FSTL5: variants seen among roughly 807,000 people sequenced by gnomAD.
FSTL5 encodes the protein follistatin like 5.
Under a neutral mutation model 89.1 loss-of-function variants are expected in FSTL5, and 62 were observed. The ratio of observed to expected loss-of-function variants is 0.70; its 90% CI spans 0.57 to 0.86. The LOEUF (loss-of-function observed/expected upper bound fraction) is 0.86. FSTL5 is among the 40% of genes least tolerant of loss of function. FSTL5 has a pLI of 0.00. For missense variants in FSTL5, 1,057 were observed against 1,001.6 expected (o/e 1.06, Z -0.75); for synonymous variants, 383 against 346.2 (o/e 1.11, Z -1.18).
At chr4:161,562,160 C>G (rs1477793687) in intron 8 of FSTL5, among the ~76,000 whole-genome samples, 1 of 152,046 alleles carries the variant, frequency 6.6e-6, no homozygotes, top group Non-Finnish European at 1.5e-5. Flanking sequence ...TTTCCCTCCT[C>G]TAATTCTTTC....
intron 3 of FSTL5, among the ~76,000 whole-genome samples, chr4:161,936,218 T>A (rs1337933148): frequency 2.0e-5 from 3 of 152,146 alleles, no homozygotes; most frequent in Non-Finnish European, 4.4e-5. Context: ...ATTGTAGGAA[T>A]AAAGAAAGCA....
chr4:161,404,267 T>C (rs1268001628), intron 15 of FSTL5, among the ~76,000 whole-genome samples: 1 of 152,150 alleles, frequency 6.6e-6, no homozygotes, highest in Non-Finnish European at 1.5e-5. Context: ...TTGATTACAA[T>C]TGGGCCAATC....
intron 4 of FSTL5, among the ~76,000 whole-genome samples, chr4:161,860,275 G>GA (rs1158150903): frequency 2.1e-5 from 3 of 144,946 alleles, no homozygotes; most frequent in Non-Finnish European, 4.5e-5. Flanking sequence ...GCGACAGAGC[G>GA]AGACTCCGTC....
chr4:161,463,462 T>A (rs1047403911), intron 13 of FSTL5, among the ~76,000 whole-genome samples: 1 of 152,152 alleles, frequency 6.6e-6, no homozygotes, highest in Non-Finnish European at 1.5e-5. Flanking sequence ...ATCAACAGAA[T>A]CATATATTAA....
chr4:162,084,469 C>A (rs936144562), intron 2 of FSTL5, among the ~76,000 whole-genome samples: 1 of 152,132 alleles, frequency 6.6e-6, no homozygotes, highest in East Asian at 1.9e-4. Context: ...CAAACTTCTG[C>A]ACATGTATGT....
chr4:161,604,223 A>C lies in FSTL5; in HGVS notation c.895-16648T>G, dbSNP rs182742494. 4.6e-5 allele frequency among the ~76,000 whole-genome samples: 7 copies of C among 152,188 alleles called. No individual in the cohort carries two copies. The East Asian group carries it at 1.4e-3, about 29-fold the overall frequency. Reference sequence around the variant, plus strand: ...TTAATAGATATTTTAAGGGTCATGGAATTGATTATAAATACATTATTATGC... The same window carrying C: ...TTAATAGATATTTTAAGGGTCATGGCATTGATTATAAATACATTATTATGC... On this transcript the variant is annotated intron_variant, in intron 7 of 15. Transcript: ENST00000306100.
intron 2 of FSTL5, among the ~76,000 whole-genome samples, chr4:162,039,632 T>A (rs1159173008): frequency 6.6e-6 from 1 of 151,954 alleles, no homozygotes; most frequent in Non-Finnish European, 1.5e-5. Flanking sequence ...ATATGTACAA[T>A]AAAGCACATT....
At chr4:162,069,836 G>T (rs1037395921) in intron 2 of FSTL5, among the ~76,000 whole-genome samples, 1 of 151,786 alleles carries the variant, frequency 6.6e-6, no homozygotes, top group Non-Finnish European at 1.5e-5. Context: ...TTTGTCAATG[G>T]TGCTGTAATA....
At chr4:161,919,069 A>C (rs1377566113) in intron 4 of FSTL5, among the ~76,000 whole-genome samples, 1 of 152,156 alleles carries the variant, frequency 6.6e-6, no homozygotes, top group East Asian at 1.9e-4. Context: ...ACATAATTTC[A>C]TAGTGTCAAG....
chr4:161,750,780 C>T (rs1740366990), intron 6 of FSTL5, among the ~76,000 whole-genome samples: 1 of 152,042 alleles, frequency 6.6e-6, no homozygotes, highest in African/African-American at 2.4e-5. Flanking sequence ...TAGGCAAATC[C>T]TACCTAAGAT....
At chr4:161,993,933 G>T (rs975199430) in intron 3 of FSTL5, among the ~76,000 whole-genome samples, 1 of 152,104 alleles carries the variant, frequency 6.6e-6, no homozygotes, top group Middle Eastern at 3.4e-3. Flanking sequence ...GGTACACGTG[G>T]AGGTTTGTTA....
intron 4 of FSTL5, among the ~76,000 whole-genome samples, chr4:161,880,684 AT>A (rs1461304992): frequency 6.6e-6 from 1 of 152,180 alleles, no homozygotes; most frequent in Non-Finnish European, 1.5e-5. Context: ...ACTGTACAAC[AT>A]TCACACAGTG....
At chr4:161,402,329 T>G (rs577973712) in intron 15 of FSTL5, among the ~76,000 whole-genome samples, 1 of 152,344 alleles carries the variant, frequency 6.6e-6, no homozygotes, top group African/African-American at 2.4e-5. Context: ...ATAATATAAA[T>G]TATTCTTCAT....
intron 7 of FSTL5, among the ~76,000 whole-genome samples, chr4:161,638,077 T>C (rs1318370549): frequency 2.0e-5 from 3 of 151,184 alleles, no homozygotes; most frequent in Non-Finnish European, 4.4e-5. Context: ...TTCACGATAT[T>C]GATTCTTCCT....
At chr4:161,649,127 C>G (rs1245169911) in intron 7 of FSTL5, among the ~76,000 whole-genome samples, 1 of 152,108 alleles carries the variant, frequency 6.6e-6, no homozygotes. Context: ...AACACCTGAA[C>G]CAGATGTTCA....
chr4:161,471,732 T>G (rs193081042), intron 13 of FSTL5, among the ~76,000 whole-genome samples: 1 of 152,314 alleles, frequency 6.6e-6, no homozygotes, highest in African/African-American at 2.4e-5. Context: ...TCCTAGCATT[T>G]GTAAGTAAAT....
At chr4:161,926,948 A>G (rs1734144038) in intron 3 of FSTL5, among the ~76,000 whole-genome samples, 1 of 151,848 alleles carries the variant, frequency 6.6e-6, no homozygotes, top group Admixed American at 6.6e-5. Context: ...TGGTAGATAC[A>G]GAGACAGAAA....
At chr4:162,093,010 G>A (rs1561014551) in intron 2 of FSTL5, among the ~76,000 whole-genome samples, 2 of 150,546 alleles carry the variant, frequency 1.3e-5, no homozygotes, top group African/African-American at 4.9e-5. Flanking sequence ...TAGTAGTATA[G>A]GGGCTTATAC....
intron 6 of FSTL5, among the ~76,000 whole-genome samples, chr4:161,716,000 C>A (rs898993139): frequency 6.6e-6 from 1 of 152,080 alleles, no homozygotes; most frequent in African/African-American, 2.4e-5. Flanking sequence ...AGTAAATAAT[C>A]GGCTCATTAC....
Sources: gnomAD v4.1 joint callset for allele counts (sites outside exome capture counted in the v4.1 genomes callset) on GRCh38, gnomAD v4.1.1 for gene constraint, MANE v1.5 for transcripts, NCBI Gene and HGNC (gene_info 2026-07-23, HGNC 2026-07-21) for gene names.